Variants in PRR5L observed in about 807,000 individuals in gnomAD.
The protein encoded by PRR5L is proline rich 5 like, also known as proline-rich protein 5-like.
In PRR5L, 21 loss-of-function variants were observed where a neutral mutation model predicts 36.4. That is an observed-to-expected ratio of 0.58 (90% CI 0.41 to 0.83). PRR5L has a LOEUF of 0.83. PRR5L is among the 40% of genes least tolerant of loss of function. The pLI is 0.00. For synonymous variants in PRR5L, 188 were observed against 197.0 expected, an observed-to-expected ratio of 0.95 and a Z score of 0.38; for missense variants, 381 against 473.3, an observed-to-expected ratio of 0.80 and a Z score of 1.81.
rs191786684 is a variant in PRR5L at position 36,317,146 on chromosome 11, G to A, written c.-126+20708G>A. Reference sequence around the variant, plus strand: ...GAATGAAATAAGGCCATGGGAAGTCGGAGCACAGGGAAGCTTCAAACGTTC... The same window carrying A: ...GAATGAAATAAGGCCATGGGAAGTCAGAGCACAGGGAAGCTTCAAACGTTC... On this transcript the variant is annotated intron_variant, in intron 1 of 8. Transcript: ENST00000530639. 5.0e-4 allele frequency among the ~76,000 whole-genome samples: 76 copies of A among 152,326 alleles called. 1 individual carries two copies. Among genetic ancestry groups the A allele is most frequent in the Non-Finnish European group, 4.4e-4 (30 of 68,032 alleles).
At chr11:36,366,542 T>C (rs1309203769) in intron 1 of PRR5L, among the ~76,000 whole-genome samples, 1 of 152,202 alleles carries the variant, frequency 6.6e-6, no homozygotes, top group African/African-American at 2.4e-5. Flanking sequence ...TTCCTATTAA[T>C]GACATCTCTT....
intron 4 of PRR5L, among the ~76,000 whole-genome samples, chr11:36,421,725 G>A (rs979705426): frequency 1.3e-5 from 2 of 152,144 alleles, no homozygotes; most frequent in African/African-American, 4.8e-5. Flanking sequence ...GGCGATGCGT[G>A]CAATGACATT....
intron 1 of PRR5L, among the ~76,000 whole-genome samples, chr11:36,389,054 T>C (rs1276959378): frequency 2.0e-5 from 3 of 152,196 alleles, no homozygotes; most frequent in Non-Finnish European, 4.4e-5. Context: ...GACACCATAG[T>C]TTACATATGG....
intron 4 of PRR5L, among the ~76,000 whole-genome samples, chr11:36,430,530 T>C (rs970142450): frequency 6.6e-6 from 1 of 152,244 alleles, no homozygotes; most frequent in African/African-American, 2.4e-5. Flanking sequence ...ATAGTACCTT[T>C]GATAAAATGT....
intron 1 of PRR5L, among the ~76,000 whole-genome samples, chr11:36,302,746 G>C (rs1055097524): frequency 6.6e-6 from 1 of 152,060 alleles, no homozygotes; most frequent in African/African-American, 2.4e-5. Flanking sequence ...GGAGGTTGCA[G>C]TGCACTGCAC....
At chr11:36,424,733 C>G (rs1302374995) in intron 4 of PRR5L, among the ~76,000 whole-genome samples, 4 of 152,102 alleles carry the variant, frequency 2.6e-5, no homozygotes, top group Non-Finnish European at 5.9e-5. Context: ...AAGTATGGTC[C>G]CCGAACCAGG....
chr11:36,350,111 GC>G, intron 1 of PRR5L: 1 of 150,052 alleles, frequency 6.7e-6, no homozygotes, highest in Non-Finnish European at 1.5e-5. Flanking sequence ...GACAATGAGG[GC>G]CCGGATGCAG....
At chr11:36,395,960 G>A (rs1346909453) in intron 1 of PRR5L, among the ~76,000 whole-genome samples, 4 of 152,002 alleles carry the variant, frequency 2.6e-5, no homozygotes, top group Non-Finnish European at 5.9e-5. Flanking sequence ...AACCTCCTGG[G>A]CTCAAGCAGT....
intron 8 of PRR5L, among the ~76,000 whole-genome samples, chr11:36,456,397 C>G (rs1859059366): frequency 6.6e-6 from 1 of 152,164 alleles, no homozygotes; most frequent in Non-Finnish European, 1.5e-5. Flanking sequence ...GATTTTGTAT[C>G]CCAGGACCTG....
intron 1 of PRR5L, among the ~76,000 whole-genome samples, chr11:36,373,901 A>C (rs1280375082): frequency 6.6e-5 from 10 of 152,208 alleles, no homozygotes; most frequent in Non-Finnish European, 4.4e-5. Context: ...TGCTGAGTAC[A>C]TACTATGTGC....
At chr11:36,323,561 G>A (rs1856633616) in intron 1 of PRR5L, 1 of 152,178 alleles carries the variant, frequency 6.6e-6, no homozygotes, top group Admixed American at 6.6e-5. Context: ...TTTTCTGTGT[G>A]TGCCATGACA....
At chr11:36,319,828 C>T (rs2133462712) in intron 1 of PRR5L, among the ~76,000 whole-genome samples, 1 of 152,010 alleles carries the variant, frequency 6.6e-6, no homozygotes, top group Admixed American at 6.6e-5. Context: ...GATTTATTAT[C>T]AAAATAAAGC....
At chr11:36,342,122 G>A (rs1163246915) in intron 1 of PRR5L, among the ~76,000 whole-genome samples, 1 of 152,306 alleles carries the variant, frequency 6.6e-6, no homozygotes, top group East Asian at 1.9e-4. Context: ...AAGGTGGGTC[G>A]GCAGAGGGAG....
At chr11:36,333,085 C>A (rs1856735258) in intron 1 of PRR5L, among the ~76,000 whole-genome samples, 1 of 152,104 alleles carries the variant, frequency 6.6e-6, no homozygotes, top group African/African-American at 2.4e-5. Flanking sequence ...TTTCTATATT[C>A]AATAGAATTT....
At chr11:36,326,353 C>A (rs1478449982) in intron 1 of PRR5L, among the ~76,000 whole-genome samples, 1 of 151,168 alleles carries the variant, frequency 6.6e-6, no homozygotes, top group Non-Finnish European at 1.5e-5. Flanking sequence ...ACCATTATTG[C>A]TATCACTCAC....
At chr11:36,345,332 A>G (rs1029800020) in intron 1 of PRR5L, among the ~76,000 whole-genome samples, 1 of 151,726 alleles carries the variant, frequency 6.6e-6, no homozygotes, top group Non-Finnish European at 1.5e-5. Context: ...TGTGTCTTAA[A>G]CTCCTGACAA....
At chr11:36,355,603 A>G (rs1857018292) in intron 1 of PRR5L, among the ~76,000 whole-genome samples, 1 of 145,046 alleles carries the variant, frequency 6.9e-6, no homozygotes, top group Admixed American at 7.1e-5. Flanking sequence ...AGTCTGGAGT[A>G]CAGTGGTGCA....
At chr11:36,324,584 T>A (rs1173548850) in intron 1 of PRR5L, among the ~76,000 whole-genome samples, 1 of 152,100 alleles carries the variant, frequency 6.6e-6, no homozygotes, top group Non-Finnish European at 1.5e-5. Context: ...CCCACAAAAA[T>A]TAAAAACAAT....
chr11:36,350,633 C>T (rs1329498618), intron 1 of PRR5L, among the ~76,000 whole-genome samples: 1 of 151,552 alleles, frequency 6.6e-6, no homozygotes, highest in Admixed American at 6.6e-5. Context: ...TTGGTGCACC[C>T]GTCACGCGAG....
Sources: gnomAD v4.1 joint callset for allele counts (sites outside exome capture counted in the v4.1 genomes callset) on GRCh38, gnomAD v4.1.1 for gene constraint, MANE v1.5 for transcripts, NCBI Gene and HGNC (gene_info 2026-07-23, HGNC 2026-07-21) for gene names.